CLPB: variants seen among roughly 807,000 people sequenced by gnomAD.
CLPB encodes mitochondrial disaggregase.
A neutral mutation model predicts 78.4 loss-of-function variants in CLPB; 40 were observed. That is an observed-to-expected ratio of 0.51 (90% CI 0.40 to 0.66). The LOEUF is 0.66. Among genes scored for constraint, CLPB ranks in the 30% least tolerant of loss-of-function variants. The pLI is 0.00. For missense variants in CLPB, 780 were observed against 886.9 expected (o/e 0.88, Z 1.53); for synonymous variants, 333 against 348.0 (o/e 0.96, Z 0.48).
At chr11:72,421,371 C>T (rs141627702) in intron 2 of CLPB, among the ~76,000 whole-genome samples, 6 of 152,222 alleles carry the variant, frequency 3.9e-5, no homozygotes, top group East Asian at 1.9e-4. Flanking sequence ...TTATCTAATT[C>T]GACATGAGAC....
intron 13 of CLPB, 41 bp downstream of exon 13, chr11:72,294,579 A>C (rs1301636075): frequency 8.7e-6 from 14 of 1,609,660 alleles, no homozygotes; most frequent in Non-Finnish European, 1.0e-5. Flanking sequence ...CCCTCCCCCA[A>C]CCTTAGGCTC....
Position 72,356,009 on chromosome 11 carries a change from C to A in CLPB, c.775+2871G>T, listed in dbSNP as rs530345176. 5.9e-5 allele frequency among the ~76,000 whole-genome samples: 9 copies of A among 152,182 alleles called. No individual in the cohort carries two copies. The South Asian group carries it at 1.9e-3, about 32-fold the overall frequency. ...TAAGAAAACCGGATGGGGCTGGGCG[C>A]GGTAGCTCATGCCTGTAATCCCAGC... On this transcript the variant is annotated intron_variant, in intron 5 of 15. Coordinates refer to ENST00000538039, the MANE Select transcript of CLPB (RefSeq NM_001258392.3).
intron 5 of CLPB, among the ~76,000 whole-genome samples, chr11:72,339,383 A>T (rs535449182): frequency 6.6e-6 from 1 of 152,304 alleles, no homozygotes; most frequent in African/African-American, 2.4e-5. Flanking sequence ...CCATCATGTT[A>T]AATTGGGATT....
At chr11:72,397,675 T>C (rs1336389814) in intron 3 of CLPB, among the ~76,000 whole-genome samples, 1 of 152,230 alleles carries the variant, frequency 6.6e-6, no homozygotes, top group African/African-American at 2.4e-5. Flanking sequence ...TAAAATATTT[T>C]GCCCATTTAA....
chr11:72,350,714 G>T (rs892195530), intron 5 of CLPB, among the ~76,000 whole-genome samples: 1 of 152,220 alleles, frequency 6.6e-6, no homozygotes, highest in African/African-American at 2.4e-5. Flanking sequence ...CTAGCTGTGG[G>T]GTTGATCTGG....
intron 4 of CLPB, among the ~76,000 whole-genome samples, chr11:72,369,971 T>C (rs1029888475): frequency 6.6e-6 from 1 of 152,208 alleles, no homozygotes; most frequent in Admixed American, 6.5e-5. Context: ...GACCGTCATC[T>C]GTAAAAAATG....
intron 2 of CLPB, among the ~76,000 whole-genome samples, chr11:72,418,558 T>C (rs1856093249): frequency 6.6e-6 from 1 of 152,154 alleles, no homozygotes; most frequent in East Asian, 1.9e-4. Flanking sequence ...CTGCTAATGA[T>C]AAGAAATCCA....
intron 4 of CLPB, among the ~76,000 whole-genome samples, chr11:72,377,089 G>A (rs1022424843): frequency 7.2e-5 from 11 of 152,124 alleles, no homozygotes; most frequent in African/African-American, 2.4e-4. Context: ...TTATTAGACA[G>A]GAAAATACGA....
At chr11:72,414,470 C>CT in intron 2 of CLPB, among the ~76,000 whole-genome samples, 1 of 152,318 alleles carries the variant, frequency 6.6e-6, no homozygotes, top group East Asian at 1.9e-4. Flanking sequence ...CTTGAGCCAC[C>CT]TTCTGTGAAG....
rs1247532771 is a variant in CLPB at position 72,329,762 on chromosome 11, A to G, written c.818T>C (p.Leu273Ser). Residue 273 changes from leucine to serine, a missense_variant, in exon 6 of 16, where the codon TTG becomes TCG. Around this residue, in one of 3 missense-constraint regions of CLPB, gnomAD observed 417 missense variants for 414.7 expected, o/e 1.01. Transcript: ENST00000538039. Reference protein sequence around the residue: ...LQRNEMGHTPLDYAREGEVMK... With the variant: ...LQRNEMGHTPSDYAREGEVMK... Reference sequence around the variant, plus strand: ...CACTTCCCCTTCTCGGGCATAATCCAAGGGTGTGTGTCCCATTTCATTCCT... The same window carrying G: ...CACTTCCCCTTCTCGGGCATAATCCGAGGGTGTGTGTCCCATTTCATTCCT... 6.2e-7 allele frequency: 1 copy of G among 1,613,992 alleles called. No individual in the cohort carries two copies. Among genetic ancestry groups the G allele is most frequent in the Admixed American group, 1.7e-5 (1 of 60,002 alleles).
chr11:72,378,820 G>A (rs574303931), intron 4 of CLPB, among the ~76,000 whole-genome samples: 1 of 152,320 alleles, frequency 6.6e-6, no homozygotes, highest in South Asian at 2.1e-4. Flanking sequence ...ATCATGGCCT[G>A]CACATGAGGA....
intron 2 of CLPB, among the ~76,000 whole-genome samples, chr11:72,414,334 G>A (rs1053363895): frequency 1.3e-5 from 2 of 152,192 alleles, no homozygotes; most frequent in African/African-American, 4.8e-5. Context: ...GTGTGGGAAA[G>A]GGTCATAGGC....
In CLPB at chr11:72,434,063, CAT is replaced by C. The variant is rs754849241; in HGVS notation, c.403+7_403+8del. On this transcript the variant is annotated splice_region_variant and intron_variant, in intron 1 of 15. Coordinates refer to ENST00000538039, the MANE Select transcript of CLPB (RefSeq NM_001258392.3). Reference sequence around the variant, plus strand: ...CTCTCCCTTCCTCAAACCCAGATCTCATAATCACCCTTGTTGGACGGACTCTT... The same window carrying C: ...CTCTCCCTTCCTCAAACCCAGATCTCAATCACCCTTGTTGGACGGACTCTT... 7.7e-5 allele frequency: 124 copies of C among 1,608,028 alleles called. No homozygotes were observed. The highest frequency in any genetic ancestry group is 9.7e-5 in the Non-Finnish European group (114 of 1,179,576).
chr11:72,366,142 T>C (rs1950937909), intron 4 of CLPB, among the ~76,000 whole-genome samples: 1 of 151,950 alleles, frequency 6.6e-6, no homozygotes, highest in Non-Finnish European at 1.5e-5. Flanking sequence ...TGGGAGAAAA[T>C]ATTTTTGCAA....
At chr11:72,319,903 A>C (rs1032266538) in intron 6 of CLPB, among the ~76,000 whole-genome samples, 5 of 152,178 alleles carry the variant, frequency 3.3e-5, no homozygotes, top group Admixed American at 6.5e-5. Context: ...GGAATCCTTT[A>C]ACTAATTTAA....
intron 3 of CLPB, 95 bp from the exon 4 acceptor site, chr11:72,380,479 C>T (rs1173779563): frequency 8.8e-6 from 8 of 911,360 alleles, no homozygotes; most frequent in Admixed American, 1.9e-5. Flanking sequence ...CTGGAGCTGT[C>T]TCTGCTCATG....
intron 3 of CLPB, among the ~76,000 whole-genome samples, chr11:72,395,058 A>G (rs542115656): frequency 6.6e-6 from 1 of 152,046 alleles, no homozygotes; most frequent in Admixed American, 6.5e-5. Flanking sequence ...TTACCAATCA[A>G]ATCCTGCCCA....
In CLPB at chr11:72,287,323, A is replaced by G. The variant is rs1949402555; in HGVS notation, c.*6044T>C. ...AAAGTTTAATTAAAAACAATTTTTT[A>G]TTTTTGGGACATGGTCTCGCTCTGT... On this transcript the variant is annotated 3_prime_UTR_variant, in exon 16 of 16. Coordinates refer to ENST00000538039, the MANE Select transcript of CLPB (RefSeq NM_001258392.3). The G allele has an allele frequency of 6.6e-6, 1 of 151,996 alleles. No homozygotes were observed. Among genetic ancestry groups the G allele is most frequent in the South Asian group, 2.1e-4 (1 of 4,824 alleles). The allele number at this position is 151,996 out of a possible 1,614,324, so 9.4% of individuals were successfully genotyped here.
intron 2 of CLPB, among the ~76,000 whole-genome samples, chr11:72,404,095 C>A (rs907778900): frequency 2.6e-5 from 4 of 152,186 alleles, no homozygotes; most frequent in African/African-American, 9.7e-5. Context: ...TACAGCCAGG[C>A]TCCTTCTCAC....
Sources: gnomAD v4.1 joint callset for allele counts (sites outside exome capture counted in the v4.1 genomes callset) on GRCh38, gnomAD v4.1.1 for gene constraint, gnomAD v4.1.1 regional missense constraint, MANE v1.5 for transcripts, NCBI Gene and HGNC (gene_info 2026-07-23, HGNC 2026-07-21) for gene names.